Variants in KCNIP1 observed in about 807,000 individuals in gnomAD.
The protein encoded by KCNIP1 is potassium voltage-gated channel interacting protein 1.
KCNIP1 carries 18 observed loss-of-function variants against 33.0 expected under a neutral mutation model. The ratio of observed to expected loss-of-function variants is 0.55; its 90% CI spans 0.38 to 0.81. The LOEUF is 0.81. KCNIP1 is among the 30% of genes least tolerant of loss of function. The pLI, the probability that KCNIP1 is intolerant of heterozygous loss-of-function variation, is 0.00. For synonymous variants in KCNIP1, 93 were observed against 98.3 expected (o/e 0.95, Z 0.32); for missense variants, 238 against 271.6 (o/e 0.88, Z 0.87).
intron 1 of KCNIP1, among the ~76,000 whole-genome samples, chr5:170,550,071 G>A (rs893031170): frequency 6.6e-6 from 1 of 152,162 alleles, no homozygotes; most frequent in Non-Finnish European, 1.5e-5. Flanking sequence ...GAAAGAAGTA[G>A]CAAGTGCCTA....
At chr5:170,688,772 AT>A (rs1322899308) in intron 1 of KCNIP1, among the ~76,000 whole-genome samples, 1 of 152,316 alleles carries the variant, frequency 6.6e-6, no homozygotes, top group Non-Finnish European at 1.5e-5. Context: ...AGATTTTTCC[AT>A]GGGAACAAAG....
At chr5:170,530,800 G>A (rs966209236) in intron 1 of KCNIP1, among the ~76,000 whole-genome samples, 1 of 152,202 alleles carries the variant, frequency 6.6e-6, no homozygotes, top group Admixed American at 6.5e-5. Context: ...TCTGGCAGGG[G>A]TGGCAGCAGA....
intron 1 of KCNIP1, among the ~76,000 whole-genome samples, chr5:170,542,395 A>G (rs1054271444): frequency 6.6e-6 from 1 of 152,210 alleles, no homozygotes; most frequent in African/African-American, 2.4e-5. Flanking sequence ...AATGTCCCAT[A>G]GAGTTGCTAC....
chr5:170,649,413 C>T (rs765416177), intron 1 of KCNIP1, among the ~76,000 whole-genome samples: 5 of 152,118 alleles, frequency 3.3e-5, no homozygotes, highest in Non-Finnish European at 7.4e-5. Context: ...TCCAGGGCAT[C>T]CATGGTCCAT....
intron 1 of KCNIP1, among the ~76,000 whole-genome samples, chr5:170,557,221 T>A (rs1457510410): frequency 1.3e-5 from 2 of 152,216 alleles, no homozygotes; most frequent in African/African-American, 2.4e-5. Flanking sequence ...GTCAAAAGGA[T>A]GAAACAAATT....
chr5:170,357,633 A>G (rs1422239895), intron 1 of KCNIP1, among the ~76,000 whole-genome samples: 3 of 152,152 alleles, frequency 2.0e-5, no homozygotes, highest in African/African-American at 7.2e-5. Context: ...GGGCTCAAGC[A>G]ATCCTCCCAC....
intron 6 of KCNIP1, 40 bp from the exon 7 acceptor site, chr5:170,733,796 T>G (rs376168773): frequency 6.6e-7 from 1 of 1,524,060 alleles, no homozygotes; most frequent in Non-Finnish European, 9.1e-7. Context: ...GGAATGGAGA[T>G]CACCAGATTC....
At chr5:170,385,329 G>A (rs986516794) in intron 1 of KCNIP1, 4 of 1,614,134 alleles carry the variant, frequency 2.5e-6, no homozygotes, top group Non-Finnish European at 3.4e-6. Context: ...CTGGTAGAGG[G>A]GCAGCACAGT....
chr5:170,720,286 A>C (rs745323735), intron 2 of KCNIP1, 35 bp from the exon 3 acceptor site: 8 of 1,555,382 alleles, frequency 5.1e-6, no homozygotes, highest in Non-Finnish European at 7.1e-6. Context: ...GCTGGCCCTC[A>C]AATGCCTCCC....
chr5:170,490,777 T>A (rs1214022744), intron 1 of KCNIP1, among the ~76,000 whole-genome samples: 3 of 152,158 alleles, frequency 2.0e-5, no homozygotes, highest in Admixed American at 6.5e-5. Context: ...CTGTCTCCTC[T>A]CCAACCTCTC....
chr5:170,598,901 G>A (rs1473327290), intron 1 of KCNIP1, among the ~76,000 whole-genome samples: 3 of 131,462 alleles, frequency 2.3e-5, no homozygotes, highest in Admixed American at 7.6e-5. Flanking sequence ...GTGTGTGTGT[G>A]CGCGTGTGTG....
At chr5:170,727,851 G>A (rs920171195) in intron 5 of KCNIP1, among the ~76,000 whole-genome samples, 1 of 152,126 alleles carries the variant, frequency 6.6e-6, no homozygotes, top group African/African-American at 2.4e-5. Context: ...TGAGGCAGGA[G>A]GATAGCTTGA....
intron 1 of KCNIP1, among the ~76,000 whole-genome samples, chr5:170,693,126 C>T (rs150739770): frequency 7.9e-5 from 12 of 152,332 alleles, no homozygotes; most frequent in South Asian, 4.1e-4. Context: ...AAATGCCCAG[C>T]CCAGAATTGG....
At chr5:170,419,084 A>G (rs1457028329) in intron 1 of KCNIP1, among the ~76,000 whole-genome samples, 1 of 152,258 alleles carries the variant, frequency 6.6e-6, no homozygotes, top group Non-Finnish European at 1.5e-5. Flanking sequence ...TAGTGAATTT[A>G]ACAGATCTTC....
At chr5:170,637,136 G>A (rs1354262424) in intron 1 of KCNIP1, among the ~76,000 whole-genome samples, 5 of 152,062 alleles carry the variant, frequency 3.3e-5, no homozygotes, top group South Asian at 2.1e-4. Context: ...GATTCCAGGC[G>A]TACCCTGCAT....
intron 1 of KCNIP1, among the ~76,000 whole-genome samples, chr5:170,395,034 T>C (rs558853970): frequency 1.3e-5 from 2 of 152,350 alleles, no homozygotes; most frequent in South Asian, 4.1e-4. Context: ...ACCTTTGCTA[T>C]TGTGAATAGT....
At chr5:170,493,648 C>T (rs1352532296) in intron 1 of KCNIP1, among the ~76,000 whole-genome samples, 2 of 152,196 alleles carry the variant, frequency 1.3e-5, no homozygotes, top group African/African-American at 4.8e-5. Flanking sequence ...GACTCCTCTG[C>T]AGTTGGTTAA....
rs193285657 is a variant in KCNIP1, at chr5:170,482,335, C to T, written c.88+128371C>T. Among the ~76,000 whole-genome samples the T allele has an allele frequency of 3.3e-5, 5 of 152,144 alleles. No individual in the cohort carries two copies. In the East Asian group the frequency reaches 5.8e-4, roughly 18 times the overall value. The stretch of plus-strand genomic sequence containing the variant: ...CAAAGAAGGGTATAATTTTAGCCAG[C>T]GATTAGTCAATATTTATCAATAAGA... On this transcript the variant is annotated intron_variant, in intron 1 of 7. Transcript: ENST00000377360.
chr5:170,503,211 G>A (rs1359569083), upstream of KCNIP1, among the ~76,000 whole-genome samples: 2 of 151,946 alleles, frequency 1.3e-5, no homozygotes, highest in Non-Finnish European at 2.9e-5. Context: ...CCAACATGGC[G>A]AAACCCCGTC....
Sources: allele counts gnomAD v4.1 joint callset (sites outside exome capture counted in the v4.1 genomes callset), GRCh38; gene constraint gnomAD v4.1.1; transcripts MANE v1.5; gene names NCBI Gene and HGNC (gene_info 2026-07-23, HGNC 2026-07-21).